The following TRPM1 variants were observed in gnomAD, a reference collection of about 807,000 sequenced individuals.
TRPM1 encodes TRPM1-203 APA Isoform, Intron 10.
A neutral mutation model predicts 149.4 loss-of-function variants in TRPM1; 113 were observed. The observed-to-expected ratio is 0.76, with a 90% CI of 0.65 to 0.88. The LOEUF is 0.88. TRPM1 is among the 40% of genes least tolerant of loss of function. The pLI, the probability that TRPM1 is intolerant of heterozygous loss-of-function variation, is 0.00. For synonymous variants in TRPM1, 741 were observed against 759.5 expected, an observed-to-expected ratio of 0.98 and a Z score of 0.40; for missense variants, 1,976 against 2,038.7, an observed-to-expected ratio of 0.97 and a Z score of 0.59.
intron 1 of TRPM1, among the ~76,000 whole-genome samples, chr15:31,128,763 C>T (rs536236634): frequency 2.0e-5 from 3 of 152,258 alleles, no homozygotes; most frequent in African/African-American, 7.2e-5. Flanking sequence ...TGTGCAGGCT[C>T]ATGGGGCCCT....
chr15:31,020,983 AT>A (rs1055055299), intron 27 of TRPM1, among the ~76,000 whole-genome samples: 5 of 151,542 alleles, frequency 3.3e-5, no homozygotes, highest in East Asian at 3.9e-4. Flanking sequence ...AATAAAACTG[AT>A]TTTTTTTTCT....
In TRPM1 at chr15:31,067,294, A is replaced by G. The variant is rs149338863; in HGVS notation, c.494-107T>C. 1.0e-2 allele frequency: 15,038 copies of G among 1,507,510 alleles called. 98 individuals carry two copies. The highest frequency in any genetic ancestry group is 0.012 in the Non-Finnish European group (13,107 of 1,084,334). The allele number at this position is 1,507,510 out of a possible 1,614,324, so 93.4% of individuals were successfully genotyped here. A position where few individuals can be genotyped will look rare whatever the true frequency, so the allele number is the denominator to read the frequency against. On this transcript the variant is annotated intron_variant, in intron 5 of 27. Coordinates refer to ENST00000256552, the MANE Select transcript of TRPM1 (RefSeq NM_001252024.2). ...TGAGTCCCTACATTCCCTACAGATC[A>G]GGGGTGAGACACACTCATCTTTATC...
rs12910514 is a variant in TRPM1 at position 31,067,389 on chromosome 15, G to A, written c.494-202C>T. ...AATCTTGCATTAACTCTAGAAACGG[G>A]AAAACAAAAACAGAAACCAAAGCAA... On this transcript the variant is annotated intron_variant, in intron 5 of 27. Coordinates refer to ENST00000256552, the MANE Select transcript of TRPM1 (RefSeq NM_001252024.2). 0.074 allele frequency among the ~76,000 whole-genome samples: 11,275 copies of A among 152,172 alleles called. 603 individuals carry two copies. Among genetic ancestry groups the A allele is most frequent in the Non-Finnish European group, 0.1 (7,089 of 67,982 alleles).
At chr15:31,144,217 A>T (rs536170400) in intron 1 of TRPM1, among the ~76,000 whole-genome samples, 1 of 152,196 alleles carries the variant, frequency 6.6e-6, no homozygotes, top group Admixed American at 6.5e-5. Flanking sequence ...AGATGAGCCA[A>T]TCACTTGAAC....
chr15:31,062,092 G>A (rs1056571563), intron 9 of TRPM1, among the ~76,000 whole-genome samples: 10 of 152,110 alleles, frequency 6.6e-5, no homozygotes, highest in Non-Finnish European at 1.2e-4. Context: ...GCTACACTCC[G>A]AAATCTCAGT....
At position 31,061,530 on chromosome 15, in the gene TRPM1, G is replaced by C. The variant is rs756067051; in HGVS notation, c.1090-16C>G. ...ACACAGTGACCTGAAAATGTGAAAAGACTGAATTAAAGCCAAGTTGAAAAC... is the reference window on the plus strand; with the variant it reads ...ACACAGTGACCTGAAAATGTGAAAACACTGAATTAAAGCCAAGTTGAAAAC... On this transcript the variant is annotated splice_polypyrimidine_tract_variant and intron_variant, in intron 9 of 27. Transcript: ENST00000256552. 3 of 1,613,612 alleles carry C rather than the reference G, an allele frequency of 1.9e-6. No individual in the cohort carries two copies. The highest frequency in any genetic ancestry group is 1.7e-6 in the Non-Finnish European group (2 of 1,179,700).
chr15:31,009,744 CTTG>C (rs1438504349), intron 27 of TRPM1, among the ~76,000 whole-genome samples: 4 of 152,014 alleles, frequency 2.6e-5, no homozygotes, highest in South Asian at 2.1e-4. Flanking sequence ...CATTTACTCT[CTTG>C]TTCAAATTGA....
At chr15:31,150,086 CTT>C (rs2036279700) in intron 1 of TRPM1, among the ~76,000 whole-genome samples, 1 of 152,216 alleles carries the variant, frequency 6.6e-6, no homozygotes, top group African/African-American at 2.4e-5. Flanking sequence ...AACTCCTAAT[CTT>C]GTGTTGCCCG....
At chr15:31,062,876 T>C (rs1164697961) in intron 8 of TRPM1, 174 bp from the exon 9 acceptor site, 1 of 993,444 alleles carries the variant, frequency 1.0e-6, no homozygotes, top group Non-Finnish European at 1.5e-6. Context: ...AAATTCCAGC[T>C]TTGTTGCAAA....
intron 10 of TRPM1, among the ~76,000 whole-genome samples, chr15:31,060,948 C>T (rs2034215402): frequency 6.6e-6 from 1 of 152,162 alleles, no homozygotes; most frequent in African/African-American, 2.4e-5. Flanking sequence ...CTGGGACTGC[C>T]AGGCAGCCAG....
intron 1 of TRPM1, among the ~76,000 whole-genome samples, chr15:31,111,122 G>T (rs1268073486): frequency 1.3e-5 from 2 of 152,102 alleles, no homozygotes; most frequent in Non-Finnish European, 2.9e-5. Flanking sequence ...TTACAGCTTT[G>T]TAGCTGTAAA....
intron 1 of TRPM1, among the ~76,000 whole-genome samples, chr15:31,116,115 T>C (rs1212663395): frequency 6.6e-6 from 1 of 152,116 alleles, no homozygotes; most frequent in African/African-American, 2.4e-5. Flanking sequence ...GACACAAACA[T>C]TGAAGCCATA....
At chr15:31,009,446 T>C (rs2032105261) in intron 27 of TRPM1, among the ~76,000 whole-genome samples, 1 of 151,580 alleles carries the variant, frequency 6.6e-6, no homozygotes, top group African/African-American at 2.4e-5. Context: ...TAATGTATCA[T>C]TTTTCTCTGG....
intron 3 of TRPM1, among the ~76,000 whole-genome samples, chr15:31,072,985 T>C (rs1253488960): frequency 1.3e-5 from 2 of 152,152 alleles, no homozygotes; most frequent in East Asian, 1.9e-4. Context: ...ACTTTCTTGA[T>C]AGCGTCCCTT....
chr15:31,113,553 GTT>G (rs368699771), intron 1 of TRPM1, among the ~76,000 whole-genome samples: 2 of 147,302 alleles, frequency 1.4e-5, no homozygotes, highest in Non-Finnish European at 2.9e-5. Flanking sequence ...CTCCTAAAAT[GTT>G]TTTTTTTAAC....
chr15:31,048,582 G>T (rs1406648748), intron 13 of TRPM1, among the ~76,000 whole-genome samples: 1 of 152,152 alleles, frequency 6.6e-6, no homozygotes, highest in African/African-American at 2.4e-5. Context: ...GAGGCCAAGG[G>T]AGGTGGATCA....
intron 14 of TRPM1, 61 bp downstream of exon 14, chr15:31,047,828 T>C (rs2140937316): frequency 2.2e-6 from 3 of 1,363,054 alleles, no homozygotes; most frequent in South Asian, 1.2e-5. Context: ...TAAAACTTGC[T>C]CTTAAGAAAT....
At chr15:31,113,270 T>C (rs1317532398) in intron 1 of TRPM1, among the ~76,000 whole-genome samples, 2 of 152,148 alleles carry the variant, frequency 1.3e-5, no homozygotes, top group South Asian at 2.1e-4. Context: ...ACAGGACCCC[T>C]GATTCTGCCT....
intron 7 of TRPM1, among the ~76,000 whole-genome samples, chr15:31,064,610 A>T (rs1483025860): frequency 6.6e-6 from 1 of 152,214 alleles, no homozygotes; most frequent in Non-Finnish European, 1.5e-5. Context: ...GATATTAACT[A>T]AAGGCAAGTG....
Sources: allele counts gnomAD v4.1 joint callset (sites outside exome capture counted in the v4.1 genomes callset), GRCh38; gene constraint gnomAD v4.1.1; transcripts MANE v1.5; gene names NCBI Gene and HGNC (gene_info 2026-07-23, HGNC 2026-07-21).